Variants in GALNT10 observed in about 807,000 individuals in gnomAD.
The protein encoded by GALNT10 is polypeptide N-acetylgalactosaminyltransferase 10.
GALNT10 carries 41 observed loss-of-function variants against 75.0 expected under a neutral mutation model. The observed-to-expected ratio is 0.55, with a 90% CI of 0.43 to 0.71. GALNT10 has a LOEUF of 0.71. Ranked by LOEUF, GALNT10 falls within the 30% of genes least tolerant of loss-of-function variation. The pLI, the probability that GALNT10 is intolerant of heterozygous loss-of-function variation, is 0.00. For missense variants in GALNT10, 727 were observed against 818.5 expected, an observed-to-expected ratio of 0.89 and a Z score of 1.36; for synonymous variants, 302 against 313.0, an observed-to-expected ratio of 0.96 and a Z score of 0.37.
chr5:154,344,566 C>T (rs577703798), intron 4 of GALNT10, among the ~76,000 whole-genome samples: 67 of 152,294 alleles, frequency 4.4e-4, no homozygotes, highest in Admixed American at 9.8e-4. Flanking sequence ...TATTCCGCTT[C>T]TATTCACATT....
chr5:154,329,549 C>T (rs565997204), intron 3 of GALNT10, 23 bp from the exon 4 acceptor site: 3 of 1,606,956 alleles, frequency 1.9e-6, no homozygotes, highest in South Asian at 2.2e-5. Context: ...CTGTCCTCTG[C>T]CTCCCCTTAT....
intron 3 of GALNT10, among the ~76,000 whole-genome samples, chr5:154,314,806 A>G (rs1397237139): frequency 6.6e-6 from 1 of 152,044 alleles, no homozygotes; most frequent in African/African-American, 2.4e-5. Context: ...AAGCACTAAA[A>G]GCTTTCAAAC....
At chr5:154,340,939 AT>A (rs1005264020) in intron 4 of GALNT10, among the ~76,000 whole-genome samples, 16 of 152,296 alleles carry the variant, frequency 1.1e-4, no homozygotes, top group African/African-American at 3.6e-4. Context: ...TTTATTTCAA[AT>A]TTTTTTAAAA....
At chr5:154,255,788 C>T (rs1753598017) in intron 1 of GALNT10, among the ~76,000 whole-genome samples, 2 of 151,926 alleles carry the variant, frequency 1.3e-5, no homozygotes, top group African/African-American at 4.8e-5. Flanking sequence ...AGGGGTAGGC[C>T]TTGTCAGTAT....
intron 1 of GALNT10, among the ~76,000 whole-genome samples, chr5:154,282,997 G>A (rs185240): frequency 0.091 from 13,884 of 152,180 alleles, 758 homozygotes; most frequent in African/African-American, 0.16. Flanking sequence ...AGAGGGGTTA[G>A]GGAAGCTTGC....
At chr5:154,205,402 A>G (rs1270140681) in intron 1 of GALNT10, among the ~76,000 whole-genome samples, 1 of 152,162 alleles carries the variant, frequency 6.6e-6, no homozygotes, top group Non-Finnish European at 1.5e-5. Flanking sequence ...GGAGGAAAAT[A>G]TAAGGGTGGA....
At chr5:154,206,096 G>A (rs1269756607) in intron 1 of GALNT10, among the ~76,000 whole-genome samples, 1 of 152,178 alleles carries the variant, frequency 6.6e-6, no homozygotes, top group Admixed American at 6.5e-5. Context: ...CCTTTGCAAA[G>A]GCAAGGATAA....
chr5:154,279,757 T>G (rs931133596), intron 1 of GALNT10, among the ~76,000 whole-genome samples: 1 of 152,126 alleles, frequency 6.6e-6, no homozygotes, highest in African/African-American at 2.4e-5. Flanking sequence ...ATTTTTTTTT[T>G]ATTTTGTTTT....
At chr5:154,368,198 A>G (rs144559963) in intron 4 of GALNT10, among the ~76,000 whole-genome samples, 2 of 152,280 alleles carry the variant, frequency 1.3e-5, no homozygotes, top group African/African-American at 4.8e-5. Flanking sequence ...TCTGGTCTGG[A>G]CTCACACTTT....
intron 3 of GALNT10, among the ~76,000 whole-genome samples, chr5:154,317,842 C>G (rs1487262238): frequency 6.6e-6 from 1 of 152,314 alleles, no homozygotes; most frequent in East Asian, 1.9e-4. Flanking sequence ...ATCCGGGTCC[C>G]CGACTGATGC....
At chr5:154,291,455 A>G (rs187543023) in intron 1 of GALNT10, among the ~76,000 whole-genome samples, 4 of 152,350 alleles carry the variant, frequency 2.6e-5, no homozygotes, top group Admixed American at 6.5e-5. Context: ...AACAAGATCC[A>G]TGCATGATTC....
chr5:154,282,594 G>A (rs1042679719), intron 1 of GALNT10, among the ~76,000 whole-genome samples: 2 of 152,266 alleles, frequency 1.3e-5, no homozygotes, highest in South Asian at 4.1e-4. Flanking sequence ...GGAAGAAGGT[G>A]GAAGAGTTCA....
chr5:154,368,470 G>A (rs1187365739), intron 4 of GALNT10, among the ~76,000 whole-genome samples: 1 of 152,098 alleles, frequency 6.6e-6, no homozygotes, highest in African/African-American at 2.4e-5. Context: ...AGAGGAGGAG[G>A]AAAGGAAGGG....
At chr5:154,377,864 GAAAA>G (rs1488220665) in intron 5 of GALNT10, among the ~76,000 whole-genome samples, 1 of 151,244 alleles carries the variant, frequency 6.6e-6, no homozygotes, top group Admixed American at 6.6e-5. Flanking sequence ...AAAAAAAAAA[GAAAA>G]AAGCCTCACC....
At chr5:154,382,921 G>A (rs1464828942) in intron 6 of GALNT10, among the ~76,000 whole-genome samples, 1 of 152,232 alleles carries the variant, frequency 6.6e-6, no homozygotes, top group African/African-American at 2.4e-5. Flanking sequence ...ATATTGAAGT[G>A]ATTGGCCTCA....
chr5:154,315,861 G>A (rs1486480044), intron 3 of GALNT10, among the ~76,000 whole-genome samples: 1 of 152,190 alleles, frequency 6.6e-6, no homozygotes, highest in East Asian at 1.9e-4. Flanking sequence ...TGACCCTCCT[G>A]TTTACAGAGC....
intron 1 of GALNT10, among the ~76,000 whole-genome samples, chr5:154,279,995 A>G (rs1754014834): frequency 6.6e-6 from 1 of 152,206 alleles, no homozygotes. Context: ...GCAGCAAGAT[A>G]AGGAATCCAC....
intron 3 of GALNT10, among the ~76,000 whole-genome samples, chr5:154,325,978 G>A (rs886849056): frequency 6.6e-6 from 1 of 152,002 alleles, no homozygotes; most frequent in Admixed American, 6.6e-5. Flanking sequence ...ATTCTAAGGA[G>A]TTTATACAAA....
At chr5:154,237,575 C>T (rs1207916826) in intron 1 of GALNT10, among the ~76,000 whole-genome samples, 3 of 152,166 alleles carry the variant, frequency 2.0e-5, no homozygotes, top group African/African-American at 4.8e-5. Context: ...CTTTGTTTCT[C>T]CAATTGGGAA....
Sources: gnomAD v4.1 joint callset for allele counts (sites outside exome capture counted in the v4.1 genomes callset) on GRCh38, gnomAD v4.1.1 for gene constraint, MANE v1.5 for transcripts, NCBI Gene and HGNC (gene_info 2026-07-23, HGNC 2026-07-21) for gene names.